ZNF521: variants seen among roughly 807,000 people sequenced by gnomAD.
ZNF521 encodes LYST-interacting protein 3.
ZNF521 carries 14 observed loss-of-function variants against 105.5 expected under a neutral mutation model. The observed-to-expected ratio is 0.13, with a 90% CI of 0.09 to 0.21. The LOEUF (loss-of-function observed/expected upper bound fraction) is 0.21. Ranked by LOEUF, ZNF521 falls within the 10% of genes least tolerant of loss-of-function variation. The pLI is 1.00. For missense variants in ZNF521, 1,233 were observed against 1,629.7 expected, an observed-to-expected ratio of 0.76 and a Z score of 4.19; for synonymous variants, 635 against 606.0, an observed-to-expected ratio of 1.05 and a Z score of -0.70.
In ZNF521 at chr18:25,227,037, G is replaced by T. The variant is rs1474553942; in HGVS notation, c.881C>A (p.Thr294Asn). The part of the protein sequence containing the change: ...VYCHELFVEE[T>N]SLMNHMEQVH... ...CTGCTCCATGTGGTTCATGAGGGAG[G>T]TCTCCTCTACGAAGAGCTCGTGGCA... Residue 294 changes from threonine (T) to asparagine (N), a missense_variant, in exon 4 of 8, where the codon ACC becomes AAC. This residue lies in a region of ZNF521 where 380 missense variants were observed against 478.0 expected (regional missense o/e 0.80). Coordinates refer to ENST00000361524, the MANE Select transcript of ZNF521 (RefSeq NM_015461.3). The surrounding 1 kb of genome is among the most constrained non-coding windows in gnomAD (Gnocchi z 5.7). 2 of 1,614,150 alleles carry T rather than the reference G, an allele frequency of 1.2e-6. No homozygotes were observed. Among genetic ancestry groups the T allele is most frequent in the Admixed American group, 1.7e-5 (1 of 60,028 alleles).
At chr18:25,320,683 G>GATAT (rs2060549952) in intron 3 of ZNF521, among the ~76,000 whole-genome samples, 2 of 152,114 alleles carry the variant, frequency 1.3e-5, no homozygotes, top group South Asian at 4.1e-4. Context: ...TCAGGTAAAT[G>GATAT]ATATGGAAGT....
At chr18:25,241,232 T>G (rs1209643771) in intron 3 of ZNF521, among the ~76,000 whole-genome samples, 3 of 152,172 alleles carry the variant, frequency 2.0e-5, no homozygotes, top group Non-Finnish European at 4.4e-5. Flanking sequence ...GGAATCCTCG[T>G]CCAAACGGTT....
At chr18:25,303,623 T>G (rs1166882191) in intron 3 of ZNF521, among the ~76,000 whole-genome samples, 1 of 152,122 alleles carries the variant, frequency 6.6e-6, no homozygotes. Flanking sequence ...TAATTCAAGC[T>G]GTTGTTATTT....
rs578073776 is a variant in ZNF521, at chr18:25,112,201, C to T, written c.3659-20120G>A. 1.8e-4 allele frequency among the ~76,000 whole-genome samples: 28 copies of T among 152,296 alleles called. 1 individual carries two copies. In the South Asian group the frequency reaches 5.8e-3, roughly 32 times the overall value. The stretch of plus-strand genomic sequence containing the variant: ...GCATACATATCTGCATACATACATA[C>T]AAATATGAAATGAATCTCTTTAATA... On this transcript the variant is annotated intron_variant, in intron 5 of 7. Coordinates refer to ENST00000361524, the MANE Select transcript of ZNF521 (RefSeq NM_015461.3).
chr18:25,224,075 G>A (rs912628947), intron 4 of ZNF521: 4 of 389,616 alleles, frequency 1.0e-5, no homozygotes, highest in Non-Finnish European at 1.9e-5. Context: ...AGTAGTGTTG[G>A]CATGAGCGCT....
chr18:25,252,533 T>C (rs1908190000), intron 3 of ZNF521, among the ~76,000 whole-genome samples: 1 of 152,160 alleles, frequency 6.6e-6, no homozygotes. Context: ...TTACCTTTTT[T>C]TTTTTCTTGA....
intron 3 of ZNF521, among the ~76,000 whole-genome samples, chr18:25,301,373 T>C (rs1911633219): frequency 6.6e-6 from 1 of 152,202 alleles, no homozygotes; most frequent in Non-Finnish European, 1.5e-5. Context: ...ATCACAGTGC[T>C]TGCCTATATC....
intron 3 of ZNF521, among the ~76,000 whole-genome samples, chr18:25,313,051 C>T (rs1172304263): frequency 6.6e-6 from 1 of 151,998 alleles, no homozygotes; most frequent in South Asian, 2.1e-4. Flanking sequence ...GGTACATTAT[C>T]GTGCAGGAGA....
At chr18:25,324,496 T>C (rs1362956473) in intron 2 of ZNF521, among the ~76,000 whole-genome samples, 2 of 151,300 alleles carry the variant, frequency 1.3e-5, no homozygotes, top group East Asian at 3.9e-4. Flanking sequence ...GGAAAATAAA[T>C]AACAGTCCCA....
chr18:25,173,553 T>C (rs1288169962), intron 5 of ZNF521, among the ~76,000 whole-genome samples: 1 of 152,208 alleles, frequency 6.6e-6, no homozygotes, highest in Non-Finnish European at 1.5e-5. Flanking sequence ...TGTAAATGTA[T>C]CTGTAAATGT....
At chr18:25,094,803 C>G (rs1052445312) in intron 5 of ZNF521, among the ~76,000 whole-genome samples, 2 of 152,100 alleles carry the variant, frequency 1.3e-5, no homozygotes, top group Non-Finnish European at 2.9e-5. Context: ...TCCCTTCCCC[C>G]ATCTTCACAC....
intron 5 of ZNF521, among the ~76,000 whole-genome samples, chr18:25,157,732 G>A (rs1365698250): frequency 6.6e-6 from 1 of 152,000 alleles, no homozygotes; most frequent in East Asian, 1.9e-4. Context: ...TACCTGTGTG[G>A]CCTTGGGGAA....
intron 4 of ZNF521, among the ~76,000 whole-genome samples, chr18:25,199,459 T>C (rs754532560): frequency 6.6e-6 from 1 of 151,980 alleles, no homozygotes; most frequent in Non-Finnish European, 1.5e-5. Flanking sequence ...TTAGATGCTA[T>C]CGGGATGTTA....
intron 2 of ZNF521, among the ~76,000 whole-genome samples, chr18:25,328,038 C>T (rs1270843376): frequency 6.6e-6 from 1 of 152,172 alleles, no homozygotes; most frequent in Non-Finnish European, 1.5e-5. Flanking sequence ...GAATGTGCTC[C>T]TTTTACCTCT....
At chr18:25,256,617 C>T (rs1382665426) in intron 3 of ZNF521, among the ~76,000 whole-genome samples, 4 of 151,962 alleles carry the variant, frequency 2.6e-5, no homozygotes, top group Admixed American at 1.3e-4. Flanking sequence ...GACTTTAAGG[C>T]TTGAAAAGAG....
chr18:25,111,563 T>C (rs554593563), intron 5 of ZNF521, among the ~76,000 whole-genome samples: 2 of 152,340 alleles, frequency 1.3e-5, no homozygotes, highest in East Asian at 1.9e-4. Context: ...CTACATAATA[T>C]CTGACCAGCT....
At chr18:25,138,914 C>CAA (rs2034789030) in intron 5 of ZNF521, among the ~76,000 whole-genome samples, 1 of 152,172 alleles carries the variant, frequency 6.6e-6, no homozygotes, top group Non-Finnish European at 1.5e-5. Context: ...GGAGGGAACT[C>CAA]TGTTAAGTCC....
chr18:25,108,609 G>A (rs891196379), intron 5 of ZNF521, among the ~76,000 whole-genome samples: 1 of 152,038 alleles, frequency 6.6e-6, no homozygotes, highest in Non-Finnish European at 1.5e-5. Context: ...AAATACAATA[G>A]AGCTATGGTT....
chr18:25,077,931 AAAG>A (rs1466211602), intron 7 of ZNF521, among the ~76,000 whole-genome samples: 1 of 152,158 alleles, frequency 6.6e-6, no homozygotes, highest in Non-Finnish European at 1.5e-5. Context: ...TGTGTGACTC[AAAG>A]AAGAAGAAAA....
Sources: allele counts gnomAD v4.1 joint callset (sites outside exome capture counted in the v4.1 genomes callset), GRCh38; gene constraint gnomAD v4.1.1; regional missense constraint gnomAD v4.1.1; non-coding constraint Gnocchi (gnomAD v3.1); transcripts MANE v1.5; gene names NCBI Gene and HGNC (gene_info 2026-07-23, HGNC 2026-07-21).